NRXN3: variants seen among roughly 807,000 people sequenced by gnomAD.
The protein encoded by NRXN3 is neurexin 3.
Under a neutral mutation model 137.6 loss-of-function variants are expected in NRXN3, and 32 were observed. The ratio of observed to expected loss-of-function variants is 0.23; its 90% confidence interval spans 0.18 to 0.31. The LOEUF is 0.31. NRXN3 is among the 10% of genes least tolerant of loss of function. The probability of loss-of-function intolerance (pLI) is 1.00; values close to 1 mark genes in which losing one functional copy is unlikely to be tolerated. For synonymous variants in NRXN3, 798 were observed against 784.5 expected (o/e 1.02, Z -0.29); for missense variants, 1,574 against 2,062.5 (o/e 0.76, Z 4.59).
intron 2 of NRXN3, among the ~76,000 whole-genome samples, chr14:78,258,132 A>G (rs775994100): frequency 1.1e-4 from 16 of 152,224 alleles, no homozygotes; most frequent in Non-Finnish European, 1.9e-4. Context: ...ATTTAGGACT[A>G]TTATGAGGTT....
chr14:79,179,250 C>T (rs532147043), intron 15 of NRXN3, among the ~76,000 whole-genome samples: 1 of 152,078 alleles, frequency 6.6e-6, no homozygotes, highest in Non-Finnish European at 1.5e-5. Context: ...ACAACAACAA[C>T]AAAAAATTCT....
intron 1 of NRXN3, among the ~76,000 whole-genome samples, chr14:78,193,113 A>G (rs1471622873): frequency 6.6e-6 from 1 of 152,192 alleles, no homozygotes; most frequent in Non-Finnish European, 1.5e-5. Context: ...CTTTAAGGCC[A>G]TGAGAACTGC....
chr14:79,492,243 T>G (rs1049591313), intron 16 of NRXN3, among the ~76,000 whole-genome samples: 1 of 152,166 alleles, frequency 6.6e-6, no homozygotes, highest in Non-Finnish European at 1.5e-5. Flanking sequence ...GCTAGAAAAA[T>G]CACCCTAAAC....
At chr14:79,366,179 T>A (rs1248889471) in intron 15 of NRXN3, among the ~76,000 whole-genome samples, 2 of 152,174 alleles carry the variant, frequency 1.3e-5, no homozygotes, top group Non-Finnish European at 2.9e-5. Context: ...TAAAATTTTT[T>A]AATTATGGGT....
intron 10 of NRXN3, among the ~76,000 whole-genome samples, chr14:78,953,013 C>T (rs1265169689): frequency 2.0e-5 from 3 of 152,150 alleles, no homozygotes; most frequent in Non-Finnish European, 2.9e-5. Context: ...TTGACAAACA[C>T]GTGTATGTCA....
At chr14:78,630,905 A>AT (rs1339747405) in intron 4 of NRXN3, among the ~76,000 whole-genome samples, 1 of 152,134 alleles carries the variant, frequency 6.6e-6, no homozygotes, top group Non-Finnish European at 1.5e-5. Context: ...GCACCCGGCC[A>AT]TTTTTCTAAA....
intron 2 of NRXN3, among the ~76,000 whole-genome samples, chr14:78,257,233 A>T (rs893682680): frequency 6.6e-6 from 1 of 152,236 alleles, no homozygotes; most frequent in African/African-American, 2.4e-5. Context: ...GCTTTTGCAA[A>T]GCAATCCTTG....
chr14:78,477,511 G>A (rs2095400558), intron 4 of NRXN3, among the ~76,000 whole-genome samples: 1 of 152,158 alleles, frequency 6.6e-6, no homozygotes, highest in Non-Finnish European at 1.5e-5. Context: ...CTCCAAAGAA[G>A]GGAGCATGAC....
intron 20 of NRXN3, among the ~76,000 whole-genome samples, chr14:79,843,372 G>A (rs1205154873): frequency 6.6e-6 from 1 of 152,194 alleles, no homozygotes; most frequent in African/African-American, 2.4e-5. Flanking sequence ...ACAGTATTCA[G>A]CGAATGTTTT....
intron 1 of NRXN3, among the ~76,000 whole-genome samples, chr14:78,196,936 A>G (rs1050944155): frequency 5.3e-5 from 8 of 152,222 alleles, no homozygotes; most frequent in African/African-American, 1.9e-4. Context: ...GGCTTCCTCC[A>G]GATGGAGAAG....
chr14:78,779,992 T>C (rs1338429482), intron 8 of NRXN3, among the ~76,000 whole-genome samples: 1 of 151,286 alleles, frequency 6.6e-6, no homozygotes, highest in Non-Finnish European at 1.5e-5. Flanking sequence ...GGGCCAAAAA[T>C]AGCCAAGACA....
chr14:78,495,138 CGTGT>C (rs3036593), intron 4 of NRXN3, among the ~76,000 whole-genome samples: 172 of 139,972 alleles, frequency 1.2e-3, no homozygotes, highest in Middle Eastern at 3.6e-3. Context: ...TGTGTGCGTG[CGTGT>C]GTGTGTGTGT....
At chr14:79,394,125 T>C (rs999037056) in intron 15 of NRXN3, among the ~76,000 whole-genome samples, 10 of 152,196 alleles carry the variant, frequency 6.6e-5, no homozygotes, top group African/African-American at 2.4e-4. Flanking sequence ...AATATAAAAA[T>C]AAAAGATAGT....
chr14:79,758,962 A>AT (rs1315258070), intron 19 of NRXN3, among the ~76,000 whole-genome samples: 1 of 152,142 alleles, frequency 6.6e-6, no homozygotes, highest in Non-Finnish European at 1.5e-5. Context: ...ATTATCTTTA[A>AT]TTTTTTGTTT....
At chr14:78,986,283 C>A (rs1421399117) in intron 14 of NRXN3, among the ~76,000 whole-genome samples, 2 of 152,178 alleles carry the variant, frequency 1.3e-5, no homozygotes, top group African/African-American at 4.8e-5. Context: ...AAGGGCTCAT[C>A]TCGTTTGCTG....
chr14:78,910,768 T>C (rs1030014648), intron 10 of NRXN3, among the ~76,000 whole-genome samples: 3 of 152,132 alleles, frequency 2.0e-5, no homozygotes, highest in African/African-American at 7.2e-5. Context: ...CTCCTTAGTC[T>C]CATTTACCAA....
At chr14:78,746,886 T>C (rs1026665997) in intron 8 of NRXN3, among the ~76,000 whole-genome samples, 3 of 152,192 alleles carry the variant, frequency 2.0e-5, no homozygotes, top group Non-Finnish European at 2.9e-5. Context: ...AAGACTATGA[T>C]GAAAAGACAA....
chr14:78,518,135 C>T (rs2096237399), intron 4 of NRXN3, among the ~76,000 whole-genome samples: 1 of 152,154 alleles, frequency 6.6e-6, no homozygotes, highest in African/African-American at 2.4e-5. Flanking sequence ...GAGACCTTTA[C>T]AGTCTATTTG....
chr14:79,356,362 T>G (rs138775424), intron 15 of NRXN3, among the ~76,000 whole-genome samples: 15 of 152,302 alleles, frequency 9.8e-5, no homozygotes, highest in African/African-American at 2.9e-4. Flanking sequence ...TGTTTTTTAA[T>G]GCCGCCTGCT....
Sources: allele counts gnomAD v4.1 joint callset (sites outside exome capture counted in the v4.1 genomes callset), GRCh38; gene constraint gnomAD v4.1.1; transcripts MANE v1.5; gene names NCBI Gene and HGNC (gene_info 2026-07-23, HGNC 2026-07-21).